Variants in CCDC152 observed in about 807,000 individuals in gnomAD.
CCDC152 encodes coiled-coil domain containing 152, also known as coiled-coil domain-containing protein 152.
CCDC152 carries 37 observed loss-of-function variants against 38.1 expected under a neutral mutation model. That is an observed-to-expected ratio of 0.97 (90% CI 0.75 to 1.28). CCDC152 has a LOEUF of 1.28. CCDC152 is among the 50% of genes most tolerant of loss of function. The pLI, the probability that CCDC152 is intolerant of heterozygous loss-of-function variation, is 0.00. For synonymous variants in CCDC152, 83 were observed against 87.1 expected (o/e 0.95, Z 0.26); for missense variants, 259 against 292.1 (o/e 0.89, Z 0.83).
chr5:42,799,039 T>G (rs1219160646), intron 7 of CCDC152, among the ~76,000 whole-genome samples: 1 of 152,176 alleles, frequency 6.6e-6, no homozygotes, highest in African/African-American at 2.4e-5. Flanking sequence ...CTAAACCCTG[T>G]CTGCACTATA....
At position 42,800,046 on chromosome 5, in the gene CCDC152, G is replaced by C. The variant is rs1760146139; in HGVS notation, c.*265G>C. On this transcript the variant is annotated 3_prime_UTR_variant, in exon 9 of 9. Coordinates refer to ENST00000361970, the MANE Select transcript of CCDC152 (RefSeq NM_001134848.2). ...ATGGAAATACTTACTAAGCAATATA[G>C]AGACAGACAATATTATCTTTCCCCT... 2.8e-6 allele frequency: 1 copy of C among 351,120 alleles called. No individual in the cohort carries two copies. The highest frequency in any genetic ancestry group is 5.1e-6 in the Non-Finnish European group (1 of 195,824). 21.8% of individuals were successfully genotyped at this position (351,120 alleles called of 1,614,324 possible).
intron 5 of CCDC152, among the ~76,000 whole-genome samples, chr5:42,780,509 T>C (rs1237544252): frequency 6.6e-6 from 1 of 152,052 alleles, no homozygotes; most frequent in East Asian, 1.9e-4. Flanking sequence ...GTAATTGGGG[T>C]GGGGAACCAG....
chr5:42,771,783 A>G (rs901492202), intron 4 of CCDC152, among the ~76,000 whole-genome samples: 2 of 152,186 alleles, frequency 1.3e-5, no homozygotes, highest in African/African-American at 4.8e-5. Flanking sequence ...ATCTCCCACC[A>G]AAGAAAAGCC....
At chr5:42,768,592 C>T (rs562621585) in intron 3 of CCDC152, among the ~76,000 whole-genome samples, 71 of 152,252 alleles carry the variant, frequency 4.7e-4, no homozygotes, top group South Asian at 8.3e-4. Flanking sequence ...GTTGCTGAAG[C>T]CTTGGAACAC....
chr5:42,765,766 A>G (rs1561272567), intron 3 of CCDC152, among the ~76,000 whole-genome samples: 1 of 152,226 alleles, frequency 6.6e-6, no homozygotes, highest in Non-Finnish European at 1.5e-5. Flanking sequence ...TAAAATCAAA[A>G]TGGATTAAAA....
Position 42,802,140 on chromosome 5 carries a change from C to T in CCDC152, c.*2359C>T, listed in dbSNP as rs1760220543. On this transcript the variant is annotated 3_prime_UTR_variant, in exon 9 of 9. Transcript: ENST00000361970. ...CCAAAGCTTTGCTAATGTCTCCCTA[C>T]CATAAGGCTGTCAGCTGAAAATAGC... 6.6e-6 allele frequency: 1 copy of T among 152,268 alleles called. No homozygotes were observed. The highest frequency in any genetic ancestry group is 2.1e-4 in the South Asian group (1 of 4,824). 9.4% of individuals were successfully genotyped at this position (152,268 alleles called of 1,614,324 possible). A position where few individuals can be genotyped will look rare whatever the true frequency, so the allele number is the denominator to read the frequency against.
intron 4 of CCDC152, among the ~76,000 whole-genome samples, chr5:42,773,777 G>A (rs1016702331): frequency 1.8e-4 from 28 of 152,144 alleles, no homozygotes; most frequent in African/African-American, 6.3e-4. Flanking sequence ...AAGTCTGTTA[G>A]ACTTGAAAAA....
At position 42,801,287 on chromosome 5, in the gene CCDC152, A is replaced by G; in HGVS notation, c.*1506A>G. 6.2e-7 allele frequency: 1 copy of G among 1,613,504 alleles called. No individual in the cohort carries two copies. Among genetic ancestry groups the G allele is most frequent in the East Asian group, 2.2e-5 (1 of 44,880 alleles). On this transcript the variant is annotated 3_prime_UTR_variant, in exon 9 of 9. Coordinates refer to ENST00000361970, the MANE Select transcript of CCDC152 (RefSeq NM_001134848.2). ...ATGGAGTTTCAACTGTTTTATCCAC[A>G]GTAGCCAAAGATACACGTTTACAAA...
chr5:42,778,745 G>A (rs1018544479), intron 4 of CCDC152, among the ~76,000 whole-genome samples: 4 of 152,002 alleles, frequency 2.6e-5, no homozygotes, highest in African/African-American at 9.7e-5. Flanking sequence ...TTGACCTATA[G>A]TTACTGATCT....
chr5:42,797,829 G>C (rs572919032), intron 7 of CCDC152, among the ~76,000 whole-genome samples: 9 of 151,978 alleles, frequency 5.9e-5, no homozygotes, highest in Non-Finnish European at 1.3e-4. Context: ...CATCTCAAAG[G>C]CTGAGGCTCT....
intron 6 of CCDC152, among the ~76,000 whole-genome samples, chr5:42,793,553 T>C (rs1760033716): frequency 6.6e-6 from 1 of 152,210 alleles, no homozygotes; most frequent in Non-Finnish European, 1.5e-5. Context: ...TTATCAGATA[T>C]ATAATTTACA....
chr5:42,779,444 T>C lies in CCDC152; in HGVS notation c.263-14T>C. 7.2e-7 allele frequency: 1 copy of C among 1,387,016 alleles called. No homozygotes were observed. Among genetic ancestry groups the C allele is most frequent in the Non-Finnish European group, 1.0e-6 (1 of 1,003,672 alleles). 85.9% of individuals were successfully genotyped at this position (1,387,016 alleles called of 1,614,324 possible). On this transcript the variant is annotated splice_polypyrimidine_tract_variant and intron_variant, in intron 4 of 8. Transcript: ENST00000361970. ...TGCTATATATTATGATGTTCTTTGA[T>C]TATTCTTACACAGGTGAAAATGAAC... is the stretch of plus-strand genomic sequence containing the variant.
intron 6 of CCDC152, among the ~76,000 whole-genome samples, chr5:42,792,162 C>T (rs1760012462): frequency 1.3e-5 from 2 of 152,168 alleles, no homozygotes; most frequent in Admixed American, 1.3e-4. Flanking sequence ...TTCTATTTTT[C>T]AGGATCTCAG....
chr5:42,770,171 G>A (rs1759678306), intron 4 of CCDC152, among the ~76,000 whole-genome samples: 1 of 152,156 alleles, frequency 6.6e-6, no homozygotes, highest in South Asian at 2.1e-4. Context: ...CAAGTATTTT[G>A]TGCTGTTCTG....
At position 42,800,748 on chromosome 5, in the gene CCDC152, G is replaced by T. The variant is rs1245571799; in HGVS notation, c.*967G>T. 8.7e-6 allele frequency: 14 copies of T among 1,601,800 alleles called. No individual in the cohort carries two copies. Among genetic ancestry groups the T allele is most frequent in the Admixed American group, 5.2e-5 (3 of 58,058 alleles). On this transcript the variant is annotated 3_prime_UTR_variant, in exon 9 of 9. Coordinates refer to ENST00000361970, the MANE Select transcript of CCDC152 (RefSeq NM_001134848.2). ...GTTTGAAGGTCATTCTCACTTTTTT[G>T]CCTGATTCTTTCAGCGTCAACTGGC...
chr5:42,797,359 GT>G (rs1760089212), intron 7 of CCDC152, among the ~76,000 whole-genome samples: 1 of 152,160 alleles, frequency 6.6e-6, no homozygotes, highest in Non-Finnish European at 1.5e-5. Flanking sequence ...ACCAGTTCCT[GT>G]GTCTCATATG....
chr5:42,788,479 CA>C (rs1759954200), intron 6 of CCDC152, among the ~76,000 whole-genome samples: 1 of 152,180 alleles, frequency 6.6e-6, no homozygotes, highest in African/African-American at 2.4e-5. Flanking sequence ...CTTCTGAACT[CA>C]AACTCACAAC....
intron 6 of CCDC152, among the ~76,000 whole-genome samples, chr5:42,789,303 G>C (rs1759967232): frequency 6.6e-6 from 1 of 152,110 alleles, no homozygotes; most frequent in African/African-American, 2.4e-5. Flanking sequence ...ACAGGTCCTG[G>C]CTCTCTTCCC....
rs1293234557 is a variant in CCDC152 at position 42,795,660 on chromosome 5, T to TCTCG, written c.431-1168_431-1167insTCGC. 2.0e-5 allele frequency among the ~76,000 whole-genome samples: 3 copies of TCTCG among 152,192 alleles called. No individual in the cohort carries two copies. In the East Asian group the frequency reaches 5.8e-4, roughly 29 times the overall value. ...TTTCAACCTATTTCAAAGGTTTAAATCATACAGAGTAGGATCTACAAATTT... is the reference window on the plus strand; with the variant it reads ...TTTCAACCTATTTCAAAGGTTTAAATCTCGCATACAGAGTAGGATCTACAAATTT... On this transcript the variant is annotated intron_variant, in intron 6 of 8. Transcript: ENST00000361970.
Sources: allele counts gnomAD v4.1 joint callset (sites outside exome capture counted in the v4.1 genomes callset), GRCh38; gene constraint gnomAD v4.1.1; transcripts MANE v1.5; gene names NCBI Gene and HGNC (gene_info 2026-07-23, HGNC 2026-07-21).